The following TAFA1 variants were observed in gnomAD, a reference collection of about 807,000 sequenced individuals.
TAFA1 encodes the protein chemokine-like protein TAFA-1.
In TAFA1, 4 loss-of-function variants were observed where a neutral mutation model predicts 18.5. The observed-to-expected ratio is 0.22, with a 90% CI of 0.11 to 0.49. The LOEUF (loss-of-function observed/expected upper bound fraction) is 0.49, where lower values mean the gene tolerates loss of function less well. Among genes scored for constraint, TAFA1 ranks in the 20% least tolerant of loss-of-function variants. The pLI, the probability that TAFA1 is intolerant of heterozygous loss-of-function variation, is 0.98. For missense variants in TAFA1, 147 were observed against 169.0 expected (o/e 0.87, Z 0.72); for synonymous variants, 56 against 55.2 (o/e 1.01, Z -0.06).
chr3:68,045,110 G>A (rs1705241376), intron 2 of TAFA1, among the ~76,000 whole-genome samples: 1 of 152,122 alleles, frequency 6.6e-6, no homozygotes, highest in Admixed American at 6.6e-5. Flanking sequence ...GAGTCGTGGG[G>A]CCAGTTAGCT....
chr3:68,016,150 G>C (rs1027981600), intron 2 of TAFA1, among the ~76,000 whole-genome samples: 1 of 152,122 alleles, frequency 6.6e-6, no homozygotes, highest in African/African-American at 2.4e-5. Context: ...AGTCTGTAAT[G>C]ATGGATATTT....
intron 3 of TAFA1, among the ~76,000 whole-genome samples, chr3:68,533,726 T>G (rs2073227144): frequency 6.6e-6 from 1 of 152,156 alleles, no homozygotes; most frequent in Admixed American, 6.6e-5. Context: ...GATAAGCTGT[T>G]AATTTACATT....
At chr3:68,249,252 T>C (rs2067144221) in intron 2 of TAFA1, among the ~76,000 whole-genome samples, 1 of 152,190 alleles carries the variant, frequency 6.6e-6, no homozygotes, top group East Asian at 1.9e-4. Flanking sequence ...TGATCTCCCC[T>C]AGTCCCTGAC....
At chr3:68,238,742 A>G (rs932777516) in intron 2 of TAFA1, among the ~76,000 whole-genome samples, 1 of 152,176 alleles carries the variant, frequency 6.6e-6, no homozygotes, top group Non-Finnish European at 1.5e-5. Flanking sequence ...TAATCATAAT[A>G]TTTAAACACT....
intron 2 of TAFA1, among the ~76,000 whole-genome samples, chr3:68,215,809 T>C (rs779934524): frequency 3.3e-5 from 5 of 152,164 alleles, no homozygotes; most frequent in South Asian, 4.1e-4. Flanking sequence ...CACTCCTAGC[T>C]ATTTACCCAA....
At chr3:68,142,812 C>T (rs1197189777) in intron 2 of TAFA1, among the ~76,000 whole-genome samples, 1 of 152,142 alleles carries the variant, frequency 6.6e-6, no homozygotes, top group Non-Finnish European at 1.5e-5. Context: ...CAGACCGGTG[C>T]ATAATTAAAC....
chr3:68,480,281 T>C (rs547517826), intron 3 of TAFA1, among the ~76,000 whole-genome samples: 1 of 150,646 alleles, frequency 6.6e-6, no homozygotes, highest in South Asian at 2.1e-4. Flanking sequence ...CACTCACCTG[T>C]AATCCCAGCT....
chr3:68,405,838 A>G (rs1393475362), intron 2 of TAFA1, among the ~76,000 whole-genome samples: 3 of 151,662 alleles, frequency 2.0e-5, no homozygotes, highest in Non-Finnish European at 4.4e-5. Flanking sequence ...CCTGGAACCT[A>G]AAAGGCAAAT....
chr3:68,160,136 T>C (rs1225623937), intron 2 of TAFA1, among the ~76,000 whole-genome samples: 1 of 152,194 alleles, frequency 6.6e-6, no homozygotes, highest in East Asian at 1.9e-4. Flanking sequence ...TACTTTATAG[T>C]GAGGGAAACT....
intron 2 of TAFA1, among the ~76,000 whole-genome samples, chr3:68,017,414 G>T (rs1704593072): frequency 6.6e-6 from 1 of 152,148 alleles, no homozygotes; most frequent in Non-Finnish European, 1.5e-5. Flanking sequence ...CACCAGCTTA[G>T]GTTAATCAGT....
At chr3:68,292,315 T>C (rs1351640396) in intron 2 of TAFA1, among the ~76,000 whole-genome samples, 4 of 150,716 alleles carry the variant, frequency 2.7e-5, no homozygotes, top group African/African-American at 9.8e-5. Context: ...TTATTTACCA[T>C]ACGTACTCCC....
chr3:68,145,586 CAG>C, intron 2 of TAFA1: 1 of 1,490,888 alleles, frequency 6.7e-7, no homozygotes, highest in Non-Finnish European at 9.3e-7. Context: ...ACCCAATGAA[CAG>C]CAGTTAGCCA....
chr3:68,003,389 A>G (rs1372478019), upstream of TAFA1, among the ~76,000 whole-genome samples: 1 of 152,216 alleles, frequency 6.6e-6, no homozygotes, highest in African/African-American at 2.4e-5. Flanking sequence ...TGATTTTGAA[A>G]ACACCATAAA....
chr3:68,254,965 G>A (rs887091971), intron 2 of TAFA1, among the ~76,000 whole-genome samples: 2 of 152,126 alleles, frequency 1.3e-5, no homozygotes, highest in African/African-American at 4.8e-5. Context: ...CAGCCACTTG[G>A]CCTCATTGAA....
At chr3:68,452,867 C>T (rs1420204879) in intron 3 of TAFA1, among the ~76,000 whole-genome samples, 1 of 152,166 alleles carries the variant, frequency 6.6e-6, no homozygotes, top group Non-Finnish European at 1.5e-5. Context: ...ACTGAAAGTA[C>T]CCCTGAGTAG....
intron 2 of TAFA1, among the ~76,000 whole-genome samples, chr3:68,312,893 T>C (rs1003679612): frequency 6.6e-6 from 1 of 152,136 alleles, no homozygotes; most frequent in Non-Finnish European, 1.5e-5. Context: ...AAGAAAGAGG[T>C]TTAATTTGAC....
intron 2 of TAFA1, among the ~76,000 whole-genome samples, chr3:68,045,518 C>T (rs1705249561): frequency 6.6e-6 from 1 of 152,056 alleles, no homozygotes; most frequent in African/African-American, 2.4e-5. Flanking sequence ...ATTGTGCGGC[C>T]TTGGGAAGCT....
chr3:68,277,883 G>A (rs937886179), intron 2 of TAFA1, among the ~76,000 whole-genome samples: 4 of 152,196 alleles, frequency 2.6e-5, no homozygotes, highest in Middle Eastern at 3.4e-3. Context: ...AATACATTTA[G>A]CCATAAGTCA....
chr3:68,220,173 G>A (rs1334104171), intron 2 of TAFA1, among the ~76,000 whole-genome samples: 2 of 152,064 alleles, frequency 1.3e-5, no homozygotes, highest in Non-Finnish European at 2.9e-5. Flanking sequence ...AATTCATTTG[G>A]TTCATTAACT....
Sources: allele counts gnomAD v4.1 joint callset (sites outside exome capture counted in the v4.1 genomes callset), GRCh38; gene constraint gnomAD v4.1.1; transcripts MANE v1.5; gene names NCBI Gene and HGNC (gene_info 2026-07-23, HGNC 2026-07-21).